IL1RAPL1: variants seen among roughly 807,000 people sequenced by gnomAD.
The protein encoded by IL1RAPL1 is interleukin-1 receptor accessory protein-like 1.
In IL1RAPL1, 3 loss-of-function variants were observed where a neutral mutation model predicts 48.4. That is an observed-to-expected ratio of 0.06 (90% CI 0.03 to 0.16). The LOEUF (loss-of-function observed/expected upper bound fraction) is 0.16, where lower values mean the gene tolerates loss of function less well. IL1RAPL1 is among the 10% of genes least tolerant of loss of function. The probability of loss-of-function intolerance (pLI) is 1.00; values close to 1 mark genes in which losing one functional copy is unlikely to be tolerated. For missense variants in IL1RAPL1, 349 were observed against 530.6 expected (o/e 0.66, Z 3.36); for synonymous variants, 185 against 187.7 (o/e 0.99, Z 0.12).
chrX:29,476,872 C>CTTT lies in IL1RAPL1; in HGVS notation c.703+77581_703+77583dup, dbSNP rs1198120274. Among the ~76,000 whole-genome samples, 15 of 53,901 alleles carry CTTT rather than the reference C, an allele frequency of 2.8e-4. 1 individual carries two copies. Among genetic ancestry groups the CTTT allele is most frequent in the South Asian group, 1.2e-3 (1 of 803 alleles). The allele number at this position is 53,901 out of a possible 115,157, so 46.8% of individuals were successfully genotyped here. On this transcript the variant is annotated intron_variant, in intron 5 of 10. Coordinates refer to ENST00000378993, the MANE Select transcript of IL1RAPL1 (RefSeq NM_014271.4). ...GACTCATTTACTTTTTACCCATATTCTTTTTTTTTTTTTTTTTTTGAGACG... is the reference window on the plus strand; with the variant it reads ...GACTCATTTACTTTTTACCCATATTCTTTTTTTTTTTTTTTTTTTTTTGAGACG...
At chrX:29,588,490 T>C (rs1463544844) in intron 5 of IL1RAPL1, among the ~76,000 whole-genome samples, 1 of 112,401 alleles carries the variant, frequency 8.9e-6, no homozygotes, top group Admixed American at 9.4e-5. Context: ...CCTGAGAGAT[T>C]AAGTTGTTTT....
chrX:28,633,682 C>G (rs1934425550), intron 1 of IL1RAPL1, among the ~76,000 whole-genome samples: 1 of 111,959 alleles, frequency 8.9e-6, no homozygotes, highest in Admixed American at 9.5e-5. Flanking sequence ...TGTTTTGCTA[C>G]TAAAGAAATT....
At chrX:29,336,787 C>A (rs1374271283) in intron 3 of IL1RAPL1, among the ~76,000 whole-genome samples, 2 of 111,634 alleles carry the variant, frequency 1.8e-5, no homozygotes, top group Non-Finnish European at 3.8e-5. Flanking sequence ...CTTCTGGCCT[C>A]TTTGTGCAGC....
chrX:29,138,379 C>T (rs2147489620), intron 2 of IL1RAPL1, among the ~76,000 whole-genome samples: 1 of 112,187 alleles, frequency 8.9e-6, no homozygotes, highest in African/African-American at 3.2e-5. Flanking sequence ...TTAGCATCAA[C>T]TGTAAATATG....
chrX:29,571,078 C>G (rs1922578766), intron 5 of IL1RAPL1, among the ~76,000 whole-genome samples: 1 of 110,851 alleles, frequency 9.0e-6, no homozygotes, highest in African/African-American at 3.3e-5. Context: ...AAAAATTAGC[C>G]AGACGTGGTG....
At chrX:28,840,026 C>T (rs930498945) in intron 2 of IL1RAPL1, among the ~76,000 whole-genome samples, 11 of 110,700 alleles carry the variant, frequency 9.9e-5, no homozygotes, top group African/African-American at 3.3e-4. Context: ...GTGCTAGTTG[C>T]GTCTCTTAGA....
intron 8 of IL1RAPL1, among the ~76,000 whole-genome samples, chrX:29,940,313 T>C (rs1046402605): frequency 9.0e-6 from 1 of 111,302 alleles, no homozygotes; most frequent in Non-Finnish European, 1.9e-5. Flanking sequence ...TTCACCCCAT[T>C]TGTGAGAACT....
chrX:29,419,787 A>G (rs1934269134), intron 5 of IL1RAPL1, among the ~76,000 whole-genome samples: 2 of 111,937 alleles, frequency 1.8e-5, no homozygotes, highest in African/African-American at 6.5e-5. Context: ...TGTACCTTCA[A>G]TAGGAGTTTA....
intron 2 of IL1RAPL1, among the ~76,000 whole-genome samples, chrX:28,856,189 T>C (rs776837523): frequency 4.6e-4 from 52 of 112,149 alleles, no homozygotes; most frequent in Admixed American, 1.6e-3. Context: ...TAGGAACTCC[T>C]GTTGAAATGA....
At chrX:29,869,527 GT>G (rs1287758777) in intron 6 of IL1RAPL1, among the ~76,000 whole-genome samples, 1 of 111,362 alleles carries the variant, frequency 9.0e-6, no homozygotes, top group African/African-American at 3.3e-5. Context: ...AAAGCTAAGA[GT>G]CTCATCATAT....
chrX:29,921,268 T>C lies in IL1RAPL1; in HGVS notation c.1057+1174T>C, dbSNP rs1236452387. ...TACTCTTTGGAACAAGCACACTTGA[T>C]GTTCTCTTACTCAGCAAATTTACAA... On this transcript the variant is annotated intron_variant, in intron 8 of 10. Coordinates refer to ENST00000378993, the MANE Select transcript of IL1RAPL1 (RefSeq NM_014271.4). 1.1e-4 allele frequency among the ~76,000 whole-genome samples: 12 copies of C among 112,636 alleles called. No individual in the cohort carries two copies. In the Admixed American group the frequency reaches 1.1e-3, roughly 11 times the overall value.
intron 2 of IL1RAPL1, among the ~76,000 whole-genome samples, chrX:29,131,274 G>GTATATATATA (rs765489520): frequency 9.6e-6 from 1 of 103,997 alleles, no homozygotes; most frequent in Non-Finnish European, 2.0e-5. Context: ...GTGTGTGTGT[G>GTATATATATA]TATATATATA....
At chrX:29,240,447 C>T (rs1254575416) in intron 2 of IL1RAPL1, among the ~76,000 whole-genome samples, 1 of 106,556 alleles carries the variant, frequency 9.4e-6, no homozygotes, top group Admixed American at 1.0e-4. Context: ...GTTGGCCAGG[C>T]TGGTCTTGAA....
intron 2 of IL1RAPL1, among the ~76,000 whole-genome samples, chrX:28,859,570 A>G (rs1921889532): frequency 1.8e-5 from 2 of 110,879 alleles, no homozygotes; most frequent in South Asian, 3.8e-4. Flanking sequence ...GATCTTAGCT[A>G]TTTAAAATAC....
At chrX:28,667,396 C>G (rs1934893462) in intron 1 of IL1RAPL1, among the ~76,000 whole-genome samples, 1 of 112,262 alleles carries the variant, frequency 8.9e-6, no homozygotes, top group African/African-American at 3.2e-5. Flanking sequence ...AATCGAATCA[C>G]TTTGGAGGTT....
chrX:28,951,560 A>G (rs1300472662), intron 2 of IL1RAPL1, among the ~76,000 whole-genome samples: 2 of 111,193 alleles, frequency 1.8e-5, no homozygotes, highest in Non-Finnish European at 3.8e-5. Context: ...TATAGTACAC[A>G]TTTATTCAAA....
chrX:29,280,524 A>G (rs555411505), intron 2 of IL1RAPL1, among the ~76,000 whole-genome samples: 2 of 112,467 alleles, frequency 1.8e-5, no homozygotes, highest in East Asian at 5.6e-4. Context: ...ACTCACCCTT[A>G]TTAGCTGGCA....
chrX:29,752,495 C>CCAAAAAA (rs533554738), intron 6 of IL1RAPL1, among the ~76,000 whole-genome samples: 22 of 52,755 alleles, frequency 4.2e-4, no homozygotes, highest in African/African-American at 1.5e-3. Flanking sequence ...GACTTTGTCT[C>CCAAAAAA]AAAAAAAAAA....
Position 29,186,027 on chromosome X carries a change from T to TATTA in IL1RAPL1, c.83-96910_83-96907dup, listed in dbSNP as rs1403929051. ...ACCCTACTATTAGTTTGAGAATTTTTATTACCTTTATCTCTAAATAAAACT... is the reference window on the plus strand; with the variant it reads ...ACCCTACTATTAGTTTGAGAATTTTTATTAATTACCTTTATCTCTAAATAAAACT... On this transcript the variant is annotated intron_variant, in intron 2 of 10. Transcript: ENST00000378993. Among the ~76,000 whole-genome samples, 3 of 112,172 alleles carry TATTA rather than the reference T, an allele frequency of 2.7e-5. No individual in the cohort carries two copies. The East Asian group carries it at 8.4e-4, about 31-fold the overall frequency.
Sources: gnomAD v4.1 joint callset for allele counts (sites outside exome capture counted in the v4.1 genomes callset) on GRCh38, gnomAD v4.1.1 for gene constraint, MANE v1.5 for transcripts, NCBI Gene and HGNC (gene_info 2026-07-23, HGNC 2026-07-21) for gene names.